Variants in SRPK2 observed in about 807,000 individuals in gnomAD.
SRPK2 encodes SFRS protein kinase 2.
In SRPK2, 21 loss-of-function variants were observed where a neutral mutation model predicts 90.8. That is an observed-to-expected ratio of 0.23 (90% confidence interval 0.16 to 0.33). The LOEUF (loss-of-function observed/expected upper bound fraction) is 0.33. Ranked by LOEUF, SRPK2 falls within the 10% of genes least tolerant of loss-of-function variation. SRPK2 has a pLI of 1.00. For missense variants in SRPK2, 620 were observed against 869.0 expected, an observed-to-expected ratio of 0.71 and a Z score of 3.60; for synonymous variants, 288 against 311.1, an observed-to-expected ratio of 0.93 and a Z score of 0.78.
rs201895292 is a variant in SRPK2 at position 105,331,421 on chromosome 7, T to TA, written c.71+57226dup. Among the ~76,000 whole-genome samples, 997 of 135,944 alleles carry TA rather than the reference T, an allele frequency of 7.3e-3. 14 individuals carry two copies. The highest frequency in any genetic ancestry group is 0.026 in the African/African-American group (940 of 36,186). 89.2% of individuals were successfully genotyped at this position (135,944 alleles called of 152,430 possible). On this transcript the variant is annotated intron_variant, in intron 2 of 15. Transcript: ENST00000393651. ...TTCAGATATATCAAAGAGTTACAAATAAAAAATAATCCATAACATAAACTA... is the reference window on the plus strand; with the variant it reads ...TTCAGATATATCAAAGAGTTACAAATAAAAAAATAATCCATAACATAAACTA...
intron 15 of SRPK2, among the ~76,000 whole-genome samples, chr7:105,122,003 A>G (rs1800452323): frequency 6.6e-6 from 1 of 152,226 alleles, no homozygotes; most frequent in South Asian, 2.1e-4. Flanking sequence ...AATTGTGTAC[A>G]CGTAGAAAGT....
intron 2 of SRPK2, among the ~76,000 whole-genome samples, chr7:105,371,393 T>G (rs1203316471): frequency 6.6e-6 from 1 of 151,930 alleles, no homozygotes; most frequent in African/African-American, 2.4e-5. Context: ...TGTCCCACTG[T>G]TTTGCAAACA....
chr7:105,128,804 CCT>C (rs1163116641), intron 13 of SRPK2, among the ~76,000 whole-genome samples: 2 of 152,202 alleles, frequency 1.3e-5, no homozygotes, highest in African/African-American at 2.4e-5. Flanking sequence ...CTCCAGTGAT[CCT>C]CTCTCAGCCT....
intron 15 of SRPK2, among the ~76,000 whole-genome samples, chr7:105,122,950 T>C (rs1335953360): frequency 1.3e-5 from 2 of 152,230 alleles, no homozygotes; most frequent in East Asian, 3.9e-4. Context: ...TACTAAAATA[T>C]GCCTGCTGAA....
At chr7:105,125,890 T>C (rs1388567582) in intron 15 of SRPK2, 1 of 1,268,904 alleles carries the variant, frequency 7.9e-7, no homozygotes, top group Non-Finnish European at 1.0e-6. Flanking sequence ...TTGGGAAACA[T>C]TGCCAGCAAA....
rs35196387 is a variant in SRPK2, at chr7:105,322,748, T to TA, written c.71+65899dup. Reference sequence around the variant, plus strand: ...CATATTATGTGAATATAACCTCAATTAAAAAAAAAAAAACAGTTTGCACAG... The same window carrying TA: ...CATATTATGTGAATATAACCTCAATTAAAAAAAAAAAAAACAGTTTGCACAG... On this transcript the variant is annotated intron_variant, in intron 2 of 15. Transcript: ENST00000393651. Among the ~76,000 whole-genome samples the TA allele has an allele frequency of 6.2e-3, 909 of 146,134 alleles. 4 individuals are homozygous for TA. Among genetic ancestry groups the TA allele is most frequent in the Non-Finnish European group, 8.4e-3 (555 of 65,832 alleles).
intron 2 of SRPK2, among the ~76,000 whole-genome samples, chr7:105,331,308 CAAA>C (rs57653042): frequency 3.0e-3 from 133 of 44,988 alleles, no homozygotes; most frequent in East Asian, 0.012. Flanking sequence ...GACTCCGTCT[CAAA>C]AAAAAAAAAA....
At chr7:105,201,056 G>A (rs932651420) in intron 3 of SRPK2, among the ~76,000 whole-genome samples, 1 of 152,160 alleles carries the variant, frequency 6.6e-6, no homozygotes, top group Non-Finnish European at 1.5e-5. Flanking sequence ...CACCATATTA[G>A]TAATTTTAGC....
At chr7:105,214,549 T>G (rs1050863836) in intron 2 of SRPK2, among the ~76,000 whole-genome samples, 1 of 152,150 alleles carries the variant, frequency 6.6e-6, no homozygotes, top group South Asian at 2.1e-4. Flanking sequence ...TTAATAACAT[T>G]ATGATAAAAT....
At chr7:105,220,140 A>G (rs1425648275) in intron 2 of SRPK2, among the ~76,000 whole-genome samples, 1 of 152,250 alleles carries the variant, frequency 6.6e-6, no homozygotes, top group Non-Finnish European at 1.5e-5. Context: ...AAAACTAAAC[A>G]TAGGGAAAAA....
At chr7:105,211,158 G>A (rs1796805173) in intron 2 of SRPK2, among the ~76,000 whole-genome samples, 1 of 152,164 alleles carries the variant, frequency 6.6e-6, no homozygotes, top group African/African-American at 2.4e-5. Context: ...TACACAGCAA[G>A]TGAAAGTGAA....
rs189293525 is a variant in SRPK2 at position 105,324,440 on chromosome 7, C to T, written c.71+64208G>A. Among the ~76,000 whole-genome samples the T allele has an allele frequency of 7.9e-5, 12 of 152,278 alleles. No homozygotes were observed. The East Asian group carries it at 2.3e-3, about 29-fold the overall frequency. ...CAAGTTCAAACAATTCTCGGCCTCC[C>T]TAAGTGCTGGGATTACAGGCGTGAG... is the stretch of plus-strand genomic sequence containing the variant. On this transcript the variant is annotated intron_variant, in intron 2 of 15. Coordinates refer to ENST00000393651, the MANE Select transcript of SRPK2 (RefSeq NM_182692.3).
intron 2 of SRPK2, among the ~76,000 whole-genome samples, chr7:105,384,720 C>T (rs1209007399): frequency 1.3e-5 from 2 of 152,058 alleles, no homozygotes; most frequent in Non-Finnish European, 2.9e-5. Context: ...CTGTAAAATT[C>T]GGGGTACCCT....
In SRPK2 at chr7:105,168,105, A is replaced by G. The variant is rs935466092; in HGVS notation, c.339-10T>C. On this transcript the variant is annotated splice_polypyrimidine_tract_variant and intron_variant, in intron 4 of 15. Transcript: ENST00000393651. ...AACAAATCTTTTCCCCCTAAAAGAA[A>G]AAACAAAAAAAGAGTCTATTTATCT... The G allele has an allele frequency of 3.1e-6, 5 of 1,597,120 alleles. No homozygotes were observed. The highest frequency in any genetic ancestry group is 1.7e-6 in the Non-Finnish European group (2 of 1,168,810).
intron 2 of SRPK2, among the ~76,000 whole-genome samples, chr7:105,365,518 A>G (rs1311339654): frequency 6.9e-6 from 1 of 145,418 alleles, no homozygotes; most frequent in Non-Finnish European, 1.5e-5. Flanking sequence ...AATTATATAT[A>G]TATATATATT....
At chr7:105,292,379 A>G (rs1409800060) in intron 2 of SRPK2, among the ~76,000 whole-genome samples, 1 of 151,452 alleles carries the variant, frequency 6.6e-6, no homozygotes, top group Non-Finnish European at 1.5e-5. Context: ...GTGGCGGCAT[A>G]TGCCTGTAAT....
intron 2 of SRPK2, among the ~76,000 whole-genome samples, chr7:105,275,012 G>A (rs543581621): frequency 1.1e-4 from 17 of 151,784 alleles, no homozygotes; most frequent in Non-Finnish European, 1.8e-4. Context: ...CTCAGCCTCC[G>A]GGATAGCTGG....
intron 2 of SRPK2, chr7:105,302,053 T>C: frequency 1.3e-6 from 2 of 1,566,158 alleles, no homozygotes; most frequent in Non-Finnish European, 1.8e-6. Context: ...TTGTGAAGCA[T>C]TTAAGCAAAA....
chr7:105,206,909 T>C (rs932827003), intron 2 of SRPK2, among the ~76,000 whole-genome samples: 1 of 152,244 alleles, frequency 6.6e-6, no homozygotes, highest in African/African-American at 2.4e-5. Flanking sequence ...TTCCTGGCCA[T>C]AAGTGATGAT....
Sources: gnomAD v4.1 joint callset for allele counts (sites outside exome capture counted in the v4.1 genomes callset) on GRCh38, gnomAD v4.1.1 for gene constraint, MANE v1.5 for transcripts, NCBI Gene and HGNC (gene_info 2026-07-23, HGNC 2026-07-21) for gene names.